Variants in AAMDC observed in about 807,000 individuals in gnomAD.
AAMDC encodes the protein mth938 domain-containing protein.
A neutral mutation model predicts 15.5 loss-of-function variants in AAMDC; 16 were observed. The observed-to-expected ratio is 1.03, with a 90% CI of 0.70 to 1.57. The LOEUF is 1.57. Among genes scored for constraint, AAMDC ranks in the 40% most tolerant of loss-of-function variants. The pLI is 0.00. For missense variants in AAMDC, 141 were observed against 144.9 expected (o/e 0.97, Z 0.14); for synonymous variants, 51 against 51.6 (o/e 0.99, Z 0.05).
intron 2 of AAMDC, among the ~76,000 whole-genome samples, chr11:77,849,349 G>A (rs552755182): frequency 9.2e-5 from 14 of 152,152 alleles, no homozygotes; most frequent in Non-Finnish European, 1.8e-4. Flanking sequence ...AGCCTCCTGA[G>A]TAGCTGGGAT....
intron 2 of AAMDC, among the ~76,000 whole-genome samples, chr11:77,863,184 G>C (rs1950956489): frequency 1.3e-5 from 2 of 152,130 alleles, no homozygotes; most frequent in African/African-American, 4.8e-5. Flanking sequence ...CCAGTGACTA[G>C]TGTTCAGCTT....
chr11:77,893,240 T>G (rs529261571), intron 5 of AAMDC, among the ~76,000 whole-genome samples: 52 of 152,352 alleles, frequency 3.4e-4, no homozygotes, highest in African/African-American at 1.2e-3. Flanking sequence ...AAAAAATACA[T>G]GTATTCTACA....
chr11:77,839,898 G>A (rs1291180358), intron 1 of AAMDC, among the ~76,000 whole-genome samples: 1 of 152,116 alleles, frequency 6.6e-6, no homozygotes, highest in East Asian at 1.9e-4. Context: ...TGGGTTGATA[G>A]GTGCAGCAAA....
At chr11:77,864,354 C>T (rs1951016375) in intron 2 of AAMDC, among the ~76,000 whole-genome samples, 1 of 151,372 alleles carries the variant, frequency 6.6e-6, no homozygotes, top group South Asian at 2.1e-4. Context: ...CAGGGAGAAT[C>T]GCTTGAACCC....
downstream of AAMDC, among the ~76,000 whole-genome samples, chr11:77,902,252 T>C (rs1364881874): frequency 6.6e-6 from 1 of 152,040 alleles, no homozygotes; most frequent in Non-Finnish European, 1.5e-5. Flanking sequence ...ACAGTACCAA[T>C]ATCATGAAGT....
At chr11:77,876,670 A>G (rs532818067), downstream of AAMDC, among the ~76,000 whole-genome samples, 87 of 152,276 alleles carry the variant, frequency 5.7e-4, no homozygotes, top group African/African-American at 2.0e-3. Flanking sequence ...TCTGATACCA[A>G]GCCAAAACCT....
At chr11:77,893,113 G>T (rs1411902504) in intron 5 of AAMDC, among the ~76,000 whole-genome samples, 1 of 152,138 alleles carries the variant, frequency 6.6e-6, no homozygotes, top group Non-Finnish European at 1.5e-5. Flanking sequence ...TCTTCTCCCA[G>T]TATTATTCTG....
At chr11:77,828,117 T>C (rs1040047325) in intron 1 of AAMDC, among the ~76,000 whole-genome samples, 2 of 150,936 alleles carry the variant, frequency 1.3e-5, no homozygotes, top group African/African-American at 2.4e-5. Flanking sequence ...TACTAAAAAA[T>C]ACAAAAAACT....
downstream of AAMDC, chr11:77,877,090 T>C (rs762418187): frequency 1.3e-5 from 9 of 701,420 alleles, no homozygotes; most frequent in Non-Finnish European, 2.6e-6. Context: ...AGTTAATCAT[T>C]CTTCCCCTAG....
intron 1 of AAMDC, among the ~76,000 whole-genome samples, chr11:77,840,712 G>A (rs1949893767): frequency 1.3e-5 from 2 of 152,080 alleles, no homozygotes; most frequent in South Asian, 4.1e-4. Context: ...CTCAGCCCCA[G>A]GTAACAGTTT....
chr11:77,884,582 G>A (rs936761164), intron 5 of AAMDC, among the ~76,000 whole-genome samples: 2 of 152,160 alleles, frequency 1.3e-5, no homozygotes, highest in African/African-American at 4.8e-5. Context: ...CTAGGACTAG[G>A]ACCTGCTCTA....
intron 5 of AAMDC, among the ~76,000 whole-genome samples, chr11:77,893,749 C>T (rs1952380306): frequency 1.3e-5 from 2 of 151,934 alleles, no homozygotes; most frequent in African/African-American, 2.4e-5. Flanking sequence ...AAAAATTAGC[C>T]AGGTGTGGTG....
chr11:77,869,607 T>C (rs1809245235), intron 2 of AAMDC, 115 bp from the exon 3 acceptor site: 3 of 1,033,954 alleles, frequency 2.9e-6, no homozygotes, highest in Admixed American at 1.9e-5. Context: ...TGAGTGATGC[T>C]TGGCACAAAG....
chr11:77,821,959 A>G (rs187787987), intron 1 of AAMDC, among the ~76,000 whole-genome samples: 1 of 152,236 alleles, frequency 6.6e-6, no homozygotes, highest in East Asian at 1.9e-4. Context: ...ATACGGTATT[A>G]CTAGATAAAT....
At chr11:77,841,859 C>T (rs1949946944) in intron 1 of AAMDC, among the ~76,000 whole-genome samples, 1 of 152,166 alleles carries the variant, frequency 6.6e-6, no homozygotes, top group Non-Finnish European at 1.5e-5. Flanking sequence ...TGTTTGCTTG[C>T]CACTGAGATC....
chr11:77,832,848 G>GGA (rs1440087558), intron 1 of AAMDC, among the ~76,000 whole-genome samples: 2 of 151,384 alleles, frequency 1.3e-5, no homozygotes, highest in African/African-American at 4.9e-5. Context: ...TTGGCACAAG[G>GGA]GACCAGTATT....
At chr11:77,896,300 C>A (rs1195348062) in intron 5 of AAMDC, among the ~76,000 whole-genome samples, 3 of 152,094 alleles carry the variant, frequency 2.0e-5, no homozygotes, top group African/African-American at 7.2e-5. Flanking sequence ...CTCAACGGTT[C>A]AGAACAGTGG....
At chr11:77,877,149 G>T, downstream of AAMDC, 1 of 650,272 alleles carries the variant, frequency 1.5e-6, no homozygotes, top group South Asian at 1.7e-5. Context: ...CCTGGAAATA[G>T]ACTGCCAGAT....
intron 5 of AAMDC, among the ~76,000 whole-genome samples, chr11:77,900,394 C>T (rs1210165370): frequency 5.9e-5 from 9 of 152,092 alleles, no homozygotes; most frequent in South Asian, 2.1e-4. Flanking sequence ...CCACCACACC[C>T]GGCCACATAT....
Sources: gnomAD v4.1 joint callset for allele counts (sites outside exome capture counted in the v4.1 genomes callset) on GRCh38, gnomAD v4.1.1 for gene constraint, MANE v1.5 for transcripts, NCBI Gene and HGNC (gene_info 2026-07-23, HGNC 2026-07-21) for gene names.